Variants in ZNF768 observed in about 807,000 individuals in gnomAD.
The protein encoded by ZNF768 is zinc finger protein 768.
Under a neutral mutation model 39.7 loss-of-function variants are expected in ZNF768, and 12 were observed. That is an observed-to-expected ratio of 0.30 (90% confidence interval 0.19 to 0.49). ZNF768 has a LOEUF of 0.49. ZNF768 is among the 20% of genes least tolerant of loss of function. ZNF768 has a pLI of 0.99. For synonymous variants in ZNF768, 360 were observed against 288.4 expected (o/e 1.25, Z -2.52); for missense variants, 613 against 723.2 (o/e 0.85, Z 1.75).
At chr16:30,526,845 C>G (rs905385257), upstream of ZNF768, 11 of 984,718 alleles carry the variant, frequency 1.1e-5, no homozygotes, top group African/African-American at 1.9e-4. Flanking sequence ...CAGGTCCCCC[C>G]GCCGGCTCGC....
chr16:30,532,323 G>A, the ZNF768 span: 6 of 728,218 alleles, frequency 8.2e-6, no homozygotes, highest in Non-Finnish European at 6.7e-6. Context: ...GCCCAGGGCA[G>A]CGGGGAGCAA....
upstream of ZNF768, among the ~76,000 whole-genome samples, chr16:30,529,971 G>A (rs2051355751): frequency 6.6e-6 from 1 of 151,786 alleles, no homozygotes; most frequent in Non-Finnish European, 1.5e-5. Flanking sequence ...CTATAGGCAC[G>A]TGCCACCATG....
upstream of ZNF768, among the ~76,000 whole-genome samples, chr16:30,529,807 C>G (rs1394421124): frequency 6.6e-6 from 1 of 151,618 alleles, no homozygotes; most frequent in East Asian, 1.9e-4. Context: ...GGAACTGGGC[C>G]CAGGGAGTAG....
chr16:30,529,778 ATTC>A (rs1159475230), upstream of ZNF768, among the ~76,000 whole-genome samples: 1 of 150,530 alleles, frequency 6.6e-6, no homozygotes, highest in African/African-American at 2.4e-5. Context: ...ATCCCTGGAG[ATTC>A]TGATTCAATA....
chr16:30,530,863 G>A (rs1025061420), upstream of ZNF768: 4 of 152,366 alleles, frequency 2.6e-5, no homozygotes, highest in Admixed American at 1.3e-4. The surrounding 1 kb of genome is among the most constrained non-coding windows in gnomAD (Gnocchi z 4.4). Flanking sequence ...CCTGACCAGA[G>A]GCAGGGCAGG....
Position 30,526,444 on chromosome 16 carries a change from C to A in ZNF768, c.-31G>T. The A allele has an allele frequency of 6.6e-7, 1 of 1,518,532 alleles. No individual in the cohort carries two copies. Among genetic ancestry groups the A allele is most frequent in the Non-Finnish European group, 8.8e-7 (1 of 1,134,298 alleles). The allele number at this position is 1,518,532 out of a possible 1,614,324, so 94.1% of individuals were successfully genotyped here. A position where few individuals can be genotyped will look rare whatever the true frequency, so the allele number is the denominator to read the frequency against. On this transcript the variant is annotated 5_prime_UTR_variant, in exon 1 of 2. Transcript: ENST00000380412. Reference sequence around the variant, plus strand: ...CGGGCTCCCAGTGCAGCGGCGGCGGCGATGGCGGCCGATCCCGCGACCCGG... The same window carrying A: ...CGGGCTCCCAGTGCAGCGGCGGCGGAGATGGCGGCCGATCCCGCGACCCGG...
At position 30,526,484 on chromosome 16, in the gene ZNF768, A is replaced by C; in HGVS notation, c.-71T>G. ...CCGCGACCCGGCCTCGGTTGCCCCG[A>C]GCCGCGGGCCCCCGCCTCCCGCCCG... On this transcript the variant is annotated 5_prime_UTR_variant, in exon 1 of 2. Transcript: ENST00000380412. 1 of 1,293,212 alleles carries C rather than the reference A, an allele frequency of 7.7e-7. No individual in the cohort carries two copies. Among genetic ancestry groups the C allele is most frequent in the Non-Finnish European group, 9.8e-7 (1 of 1,019,986 alleles). 80.1% of individuals were successfully genotyped at this position (1,293,212 alleles called of 1,614,324 possible).
In ZNF768 at chr16:30,524,413, C is replaced by T; in HGVS notation, c.*104G>A. On this transcript the variant is annotated 3_prime_UTR_variant, in exon 2 of 2. Transcript: ENST00000380412. ...TTCTCTTCTTCCAGCATCCTCAGCT[C>T]CTCCATTCTCCTGCGGCTTCTCCAC... 1.4e-6 allele frequency: 2 copies of T among 1,476,096 alleles called. No homozygotes were observed. Among genetic ancestry groups the T allele is most frequent in the Middle Eastern group, 2.5e-4 (1 of 3,958 alleles). The allele number at this position is 1,476,096 out of a possible 1,614,324, so 91.4% of individuals were successfully genotyped here.
At chr16:30,528,115 G>A (rs1004325618), upstream of ZNF768, 1 of 152,188 alleles carries the variant, frequency 6.6e-6, no homozygotes, top group Non-Finnish European at 1.5e-5. Flanking sequence ...CAGGAGCCAT[G>A]GATCGTGTTT....
At chr16:30,532,038 C>T in the ZNF768 span, 2 of 173,816 alleles carry the variant, frequency 1.2e-5, no homozygotes, top group Non-Finnish European at 2.5e-5. Context: ...ATTCCAGCTA[C>T]TTGGGTGGCT....
chr16:30,532,321 C>T, the ZNF768 span: 8 of 719,004 alleles, frequency 1.1e-5, no homozygotes, highest in East Asian at 1.6e-4. Flanking sequence ...GAGCCCAGGG[C>T]AGCGGGGAGC....
At chr16:30,527,478 G>T, upstream of ZNF768, 1 of 288,380 alleles carries the variant, frequency 3.5e-6, no homozygotes, top group Non-Finnish European at 5.2e-6. Flanking sequence ...CCCCGCGGAC[G>T]GCTGGGCGTT....
chr16:30,524,980 G>C lies in ZNF768; in HGVS notation c.1160C>G (p.Ser387Cys), dbSNP rs2051307582. ...ECGKCYSQNS[S>C]LRSHQRVHTG... ...GTGCACCCTCTGATGGCTGCGCAGG[G>C]ACGAGTTCTGGCTATAGCACTTGCC... Residue 387 changes from serine to cysteine, a missense_variant, in exon 2 of 2, where the codon TCC becomes TGC. Physicochemically the swap from Ser to Cys is moderately radical, Grantham distance 112. This residue lies in a region of ZNF768 where 204 missense variants were observed against 281.7 expected (regional missense o/e 0.72). Transcript: ENST00000380412. The C allele has an allele frequency of 6.2e-7, 1 of 1,613,732 alleles. No individual in the cohort carries two copies. Among genetic ancestry groups the C allele is most frequent in the Admixed American group, 1.7e-5 (1 of 59,980 alleles).
At position 30,524,427 on chromosome 16, in the gene ZNF768, C is replaced by A; in HGVS notation, c.*90G>T. 1 of 1,495,822 alleles carries A rather than the reference C, an allele frequency of 6.7e-7. No homozygotes were observed. Among genetic ancestry groups the A allele is most frequent in the Non-Finnish European group, 8.8e-7 (1 of 1,130,570 alleles). 92.7% of individuals were successfully genotyped at this position (1,495,822 alleles called of 1,614,324 possible). A position where few individuals can be genotyped will look rare whatever the true frequency, so the allele number is the denominator to read the frequency against. ...CATCCTCAGCTCCTCCATTCTCCTG[C>A]GGCTTCTCCACTATCCTCCCTAAAG... On this transcript the variant is annotated 3_prime_UTR_variant, in exon 2 of 2. Coordinates refer to ENST00000380412, the MANE Select transcript of ZNF768 (RefSeq NM_024671.4).
At chr16:30,528,834 C>T (rs771078384), upstream of ZNF768, among the ~76,000 whole-genome samples, 17 of 152,204 alleles carry the variant, frequency 1.1e-4, no homozygotes, top group South Asian at 2.1e-4. Flanking sequence ...AAACAAGTCT[C>T]CTTCACAAGA....
chr16:30,531,651 A>G (rs999861646), upstream of ZNF768: 2 of 152,228 alleles, frequency 1.3e-5, no homozygotes, highest in Non-Finnish European at 2.9e-5. Flanking sequence ...TTAGCCAGGC[A>G]TAGTGTTGCC....
At position 30,526,475 on chromosome 16, in the gene ZNF768, G is replaced by C; in HGVS notation, c.-62C>G. The C allele has an allele frequency of 1.5e-6, 2 of 1,347,346 alleles. No homozygotes were observed. The highest frequency in any genetic ancestry group is 1.9e-6 in the Non-Finnish European group (2 of 1,049,932). The allele number at this position is 1,347,346 out of a possible 1,614,324, so 83.5% of individuals were successfully genotyped here. On this transcript the variant is annotated 5_prime_UTR_variant, in exon 1 of 2. Coordinates refer to ENST00000380412, the MANE Select transcript of ZNF768 (RefSeq NM_024671.4). ...CGGCCGATCCCGCGACCCGGCCTCG[G>C]TTGCCCCGAGCCGCGGGCCCCCGCC...
chr16:30,530,035 T>C (rs1329674640), upstream of ZNF768, among the ~76,000 whole-genome samples: 1 of 152,036 alleles, frequency 6.6e-6, no homozygotes, highest in Non-Finnish European at 1.5e-5. This position sits in a 1 kb window ranked among gnomAD's most constrained non-coding sequence, Gnocchi z 4.4. Context: ...TTCACCATGT[T>C]AGCCAGGATG....
chr16:30,526,978 AGT>A (rs2051333922), upstream of ZNF768: 1 of 985,322 alleles, frequency 1.0e-6, no homozygotes, highest in Non-Finnish European at 1.2e-6. Context: ...CTACCGGGGC[AGT>A]GTGTGTGCCT....
Sources: gnomAD v4.1 joint callset for allele counts (sites outside exome capture counted in the v4.1 genomes callset) on GRCh38, gnomAD v4.1.1 for gene constraint, gnomAD v4.1.1 regional missense constraint, Gnocchi (gnomAD v3.1) non-coding constraint, MANE v1.5 for transcripts, NCBI Gene and HGNC (gene_info 2026-07-23, HGNC 2026-07-21) for gene names.